TEX11: variants seen among roughly 807,000 people sequenced by gnomAD.
The protein encoded by TEX11 is testis-expressed protein 11.
In TEX11, 7 loss-of-function variants were observed where a neutral mutation model predicts 84.4. That is an observed-to-expected ratio of 0.08 (90% CI 0.05 to 0.16). TEX11 has a LOEUF of 0.16. TEX11 is among the 10% of genes least tolerant of loss of function. The pLI, the probability that TEX11 is intolerant of heterozygous loss-of-function variation, is 1.00. For synonymous variants in TEX11, 264 were observed against 222.8 expected (o/e 1.18, Z -1.64); for missense variants, 551 against 660.5 (o/e 0.83, Z 1.82).
chrX:70,787,496 A>C (rs2091086959), intron 9 of TEX11, among the ~76,000 whole-genome samples: 1 of 110,782 alleles, frequency 9.0e-6, no homozygotes, highest in Non-Finnish European at 1.9e-5. Context: ...ACACCCAGCT[A>C]ATTTTTGTAC....
chrX:70,777,022 C>T (rs2091005971), intron 9 of TEX11, among the ~76,000 whole-genome samples: 1 of 108,516 alleles, frequency 9.2e-6, no homozygotes, highest in Non-Finnish European at 1.9e-5. Context: ...GTGTTATATT[C>T]TTTTATTTAT....
At chrX:70,564,248 C>G (rs1287180514) in intron 25 of TEX11, among the ~76,000 whole-genome samples, 1 of 111,216 alleles carries the variant, frequency 9.0e-6, no homozygotes, top group African/African-American at 3.3e-5. Flanking sequence ...AAAACAAAAA[C>G]AAACAAACAA....
At chrX:70,757,477 A>G (rs903184861) in intron 9 of TEX11, among the ~76,000 whole-genome samples, 4 of 112,035 alleles carry the variant, frequency 3.6e-5, no homozygotes, top group Non-Finnish European at 7.5e-5. Flanking sequence ...AAACATTTTT[A>G]AAGAGAAGAA....
At chrX:70,526,211 A>G (rs2087821260), downstream of TEX11, among the ~76,000 whole-genome samples, 1 of 111,757 alleles carries the variant, frequency 8.9e-6, no homozygotes, top group Non-Finnish European at 1.9e-5. Context: ...CTCAATGTTG[A>G]AAGAGTTACA....
At position 70,882,331 on chromosome X, in the gene TEX11, G is replaced by A. The variant is rs1029013551; in HGVS notation, c.38-2222C>T. The stretch of plus-strand genomic sequence containing the variant: ...AACTTTCGTTTGTTTGTTTTGTTTT[G>A]TTTTTAAGACAGAGTCTTACTCTGT... On this transcript the variant is annotated intron_variant, in intron 2 of 29. Transcript: ENST00000374333. 5.3e-4 allele frequency among the ~76,000 whole-genome samples: 59 copies of A among 111,155 alleles called. 1 individual carries two copies. The highest frequency in any genetic ancestry group is 4.6e-3 in the Middle Eastern group (1 of 216).
At chrX:70,763,068 T>A (rs1422631007) in intron 9 of TEX11, among the ~76,000 whole-genome samples, 1 of 111,483 alleles carries the variant, frequency 9.0e-6, no homozygotes, top group African/African-American at 3.3e-5. Flanking sequence ...AAATCTAAAA[T>A]TAGAACTACC....
At chrX:70,633,440 T>C (rs890329287) in intron 17 of TEX11, among the ~76,000 whole-genome samples, 3 of 111,922 alleles carry the variant, frequency 2.7e-5, no homozygotes, top group Non-Finnish European at 5.6e-5. Flanking sequence ...TACTTACTGG[T>C]GGAAGACTGA....
intron 9 of TEX11, among the ~76,000 whole-genome samples, chrX:70,785,966 T>C (rs1029971010): frequency 3.6e-5 from 4 of 112,069 alleles, no homozygotes; most frequent in Non-Finnish European, 7.5e-5. Flanking sequence ...ATCCCATTAC[T>C]GGGTATATAC....
chrX:70,783,403 A>G (rs956335897), intron 9 of TEX11, among the ~76,000 whole-genome samples: 19 of 111,790 alleles, frequency 1.7e-4, no homozygotes, highest in African/African-American at 6.2e-4. Context: ...CGACATCCTA[A>G]CATCACAATT....
At chrX:70,780,749 G>C (rs1482768923) in intron 9 of TEX11, among the ~76,000 whole-genome samples, 1 of 112,767 alleles carries the variant, frequency 8.9e-6, no homozygotes, top group African/African-American at 3.2e-5. Context: ...CAGCCTGGCT[G>C]GGGGAGGGGC....
chrX:70,648,932 T>G (rs1399209357), intron 17 of TEX11, among the ~76,000 whole-genome samples: 1 of 110,750 alleles, frequency 9.0e-6, no homozygotes, highest in Admixed American at 9.6e-5. Context: ...GTGTTCTCAT[T>G]GTTCATCTCC....
At position 70,744,198 on chromosome X, in the gene TEX11, C is replaced by A; in HGVS notation, c.714G>T (p.Lys238Asn). 1 of 1,025,361 alleles carries A rather than the reference C, an allele frequency of 9.8e-7. No individual in the cohort carries two copies. Among genetic ancestry groups the A allele is most frequent in the Non-Finnish European group, 1.3e-6 (1 of 795,241 alleles). 84.5% of individuals were successfully genotyped at this position (1,025,361 alleles called of 1,213,427 possible). Residue 238 changes from lysine to asparagine, a missense_variant, in exon 10 of 30, where the codon AAG becomes AAT. Lys to Asn is a moderately conservative substitution (Grantham distance 94). Coordinates refer to ENST00000374333, the MANE Select transcript of TEX11 (RefSeq NM_031276.3). ...FWLSQSYDIG[K>N]MDKKSTGPEM... Reference sequence around the variant, plus strand: ...CTGGCCCAGTAGATTTCTTATCCATCTTCCCAATATCATAGCTTTGGCTAT... The same window carrying A: ...CTGGCCCAGTAGATTTCTTATCCATATTCCCAATATCATAGCTTTGGCTAT...
At position 70,766,912 on chromosome X, in the gene TEX11, T is replaced by C. The variant is rs1359112176; in HGVS notation, c.693-22693A>G. On this transcript the variant is annotated intron_variant, in intron 9 of 29. Transcript: ENST00000374333. ...GAAGAAATGGTGCTGGGGAATCCAATATGCAGAAGAATGAAACTAGACCCC... is the reference window on the plus strand; with the variant it reads ...GAAGAAATGGTGCTGGGGAATCCAACATGCAGAAGAATGAAACTAGACCCC... Among the ~76,000 whole-genome samples the C allele has an allele frequency of 6.3e-5, 7 of 111,757 alleles. No homozygotes were observed. In the South Asian group the frequency reaches 2.2e-3, roughly 36 times the overall value.
intron 25 of TEX11, among the ~76,000 whole-genome samples, chrX:70,577,819 C>T (rs2088698585): frequency 9.2e-6 from 1 of 108,599 alleles, no homozygotes; most frequent in East Asian, 2.8e-4. Flanking sequence ...CCTCCGCCTC[C>T]TGGGTTCAAG....
At chrX:70,513,170 ATGGAGAAACCCCG>A in the TEX11 span, among the ~76,000 whole-genome samples, 1 of 107,597 alleles carries the variant, frequency 9.3e-6, no homozygotes, top group South Asian at 3.9e-4. Context: ...CCTGGCCAAC[ATGGAGAAACCCCG>A]TCTCTACTAA....
intron 9 of TEX11, among the ~76,000 whole-genome samples, chrX:70,756,018 C>A (rs1380761258): frequency 8.9e-6 from 1 of 112,382 alleles, no homozygotes; most frequent in Non-Finnish European, 1.9e-5. Flanking sequence ...GATCAACCTG[C>A]GGCTCAGCAG....
chrX:70,784,173 C>T (rs1164556827), intron 9 of TEX11, among the ~76,000 whole-genome samples: 2 of 111,842 alleles, frequency 1.8e-5, no homozygotes, highest in East Asian at 2.8e-4. Flanking sequence ...GCTGGTTGAA[C>T]GTATGCAAAT....
chrX:70,532,588 G>T (rs1659435090), intron 28 of TEX11, among the ~76,000 whole-genome samples: 1 of 111,403 alleles, frequency 9.0e-6, no homozygotes, highest in Admixed American at 9.6e-5. Flanking sequence ...ATACAAAATA[G>T]CTGGGTGTGA....
chrX:70,685,034 A>C (rs1057186008), intron 13 of TEX11, among the ~76,000 whole-genome samples: 31 of 112,025 alleles, frequency 2.8e-4, no homozygotes, highest in Non-Finnish European at 5.6e-4. Context: ...TATTTGACAA[A>C]GGTGCCCAAA....
Sources: allele counts gnomAD v4.1 joint callset (sites outside exome capture counted in the v4.1 genomes callset), GRCh38; gene constraint gnomAD v4.1.1; transcripts MANE v1.5; gene names NCBI Gene and HGNC (gene_info 2026-07-23, HGNC 2026-07-21).